Variants in QTGAL observed in about 807,000 individuals in gnomAD.
The protein encoded by QTGAL is BGnT-like protein 1.
the QTGAL span, among the ~76,000 whole-genome samples, chr17:82,974,915 A>C: frequency 2.0e-5 from 3 of 149,646 alleles, 1 homozygote; most frequent in African/African-American, 5.0e-5. Context: ...CTTATGGGGA[A>C]CCAGGGCCCC....
chr17:82,986,494 A>G, the QTGAL span, among the ~76,000 whole-genome samples: 1 of 152,254 alleles, frequency 6.6e-6, no homozygotes, highest in African/African-American at 2.4e-5. Context: ...GAGGCCATCA[A>G]TGGAATATTC....
chr17:82,957,683 G>A, the QTGAL span, among the ~76,000 whole-genome samples: 1 of 152,272 alleles, frequency 6.6e-6, no homozygotes, highest in Non-Finnish European at 1.5e-5. Flanking sequence ...CACATGCCTA[G>A]GTGGGGATCC....
At chr17:82,988,615 A>G in the QTGAL span, among the ~76,000 whole-genome samples, 2,605 of 152,360 alleles carry the variant, frequency 0.017, 29 homozygotes, top group Middle Eastern at 0.037. Flanking sequence ...TCCATCTGAC[A>G]AAGGTCTAAT....
At chr17:82,951,199 G>T in the QTGAL span, among the ~76,000 whole-genome samples, 13 of 152,226 alleles carry the variant, frequency 8.5e-5, no homozygotes, top group African/African-American at 3.1e-4. Flanking sequence ...GGCCTGCATG[G>T]TGTCTTCTTC....
At chr17:83,014,175 TGTCTAAG>T in the QTGAL span, among the ~76,000 whole-genome samples, 33 of 152,250 alleles carry the variant, frequency 2.2e-4, no homozygotes, top group Admixed American at 8.5e-4. Flanking sequence ...TGTGTTTTCA[TGTCTAAG>T]GCGCTCAGCT....
chr17:83,029,198 G>A, the QTGAL span, among the ~76,000 whole-genome samples: 62 of 152,274 alleles, frequency 4.1e-4, no homozygotes, highest in Non-Finnish European at 7.5e-4. Context: ...AATTTCACAC[G>A]GAAATCCTGC....
chr17:82,955,812 G>A, the QTGAL span, among the ~76,000 whole-genome samples: 6 of 152,114 alleles, frequency 3.9e-5, no homozygotes, highest in African/African-American at 7.2e-5. Context: ...GGAATACTAC[G>A]CAGCCATGAA....
the QTGAL span, among the ~76,000 whole-genome samples, chr17:82,961,935 T>C: frequency 1.3e-5 from 2 of 151,994 alleles, no homozygotes; most frequent in Admixed American, 1.3e-4. Context: ...GCTCTGGGCC[T>C]TGTGTGGAGC....
At chr17:82,946,041 T>C in the QTGAL span, 1 of 152,232 alleles carries the variant, frequency 6.6e-6, no homozygotes, top group Non-Finnish European at 1.5e-5. Flanking sequence ...TATGTTCTCC[T>C]GGAACAGAGT....
the QTGAL span, among the ~76,000 whole-genome samples, chr17:82,971,716 T>C: frequency 0.07 from 375 of 5,352 alleles, 21 homozygotes; most frequent in African/African-American, 0.2. Flanking sequence ...CAGAAGGACC[T>C]GGTGCCGACC....
chr17:83,005,184 A>G, the QTGAL span: 4 of 1,609,300 alleles, frequency 2.5e-6, no homozygotes, highest in Admixed American at 5.0e-5. This position sits in a 1 kb window ranked among gnomAD's most constrained non-coding sequence, Gnocchi z 5.6. Flanking sequence ...AGTTAGGGGG[A>G]TCTCTCCTCA....
At chr17:82,965,830 C>G in the QTGAL span, 22 of 1,367,794 alleles carry the variant, frequency 1.6e-5, no homozygotes, top group Non-Finnish European at 2.2e-5. Flanking sequence ...CAAAGTGTCA[C>G]GAGAAAGTGA....
At chr17:82,983,554 C>T in the QTGAL span, among the ~76,000 whole-genome samples, 13 of 152,292 alleles carry the variant, frequency 8.5e-5, no homozygotes, top group African/African-American at 3.1e-4. Context: ...GAGTGGGTCT[C>T]ATTTTTCTCA....
chr17:82,997,597 C>A, the QTGAL span, among the ~76,000 whole-genome samples: 1 of 152,166 alleles, frequency 6.6e-6, no homozygotes, highest in Non-Finnish European at 1.5e-5. Flanking sequence ...GTATTCACTG[C>A]AGCACTATTC....
chr17:83,042,332 G>A, the QTGAL span, among the ~76,000 whole-genome samples: 17 of 152,146 alleles, frequency 1.1e-4, no homozygotes, highest in Non-Finnish European at 1.5e-4. Context: ...ACGCCACTGC[G>A]CTCCAGCCTG....
chr17:82,971,040 G>A, the QTGAL span, among the ~76,000 whole-genome samples: 4 of 152,150 alleles, frequency 2.6e-5, no homozygotes, highest in Non-Finnish European at 5.9e-5. Flanking sequence ...TTCCTGCGAG[G>A]GCTCACTCAG....
the QTGAL span, among the ~76,000 whole-genome samples, chr17:82,984,014 C>T: frequency 0.22 from 25,816 of 119,302 alleles, 43 homozygotes; most frequent in East Asian, 0.3. Context: ...CACGTGAGGA[C>T]GTGGGGGAGG....
chr17:83,006,800 G>C, the QTGAL span: 92 of 985,356 alleles, frequency 9.3e-5, 1 homozygote, highest in Non-Finnish European at 1.0e-4. The surrounding 1 kb of genome is among the most constrained non-coding windows in gnomAD (Gnocchi z 5.8). Context: ...GAACATTCAA[G>C]TTCAGGTTTG....
the QTGAL span, among the ~76,000 whole-genome samples, chr17:83,024,611 C>T: frequency 1.3e-5 from 2 of 152,238 alleles, no homozygotes; most frequent in South Asian, 2.1e-4. Flanking sequence ...CCCAACCCCA[C>T]CAGGAGAAGA....
Sources: allele counts gnomAD v4.1 joint callset (sites outside exome capture counted in the v4.1 genomes callset), GRCh38; gene constraint gnomAD v4.1.1; non-coding constraint Gnocchi (gnomAD v3.1); transcripts MANE v1.5; gene names NCBI Gene and HGNC (gene_info 2026-07-23, HGNC 2026-07-21).